Variants in DYNC1I1 observed in about 807,000 individuals in gnomAD.
DYNC1I1 encodes cytoplasmic dynein 1 intermediate chain 1.
DYNC1I1 carries 43 observed loss-of-function variants against 86.6 expected under a neutral mutation model. The observed-to-expected ratio is 0.50, with a 90% CI of 0.39 to 0.64. The LOEUF is 0.64. DYNC1I1 is among the 30% of genes least tolerant of loss of function. DYNC1I1 has a pLI of 0.00. For synonymous variants in DYNC1I1, 262 were observed against 283.7 expected, an observed-to-expected ratio of 0.92 and a Z score of 0.77; for missense variants, 604 against 788.8, an observed-to-expected ratio of 0.77 and a Z score of 2.81.
At chr7:95,781,103 C>T (rs1250643963) in intron 1 of DYNC1I1, among the ~76,000 whole-genome samples, 3 of 151,580 alleles carry the variant, frequency 2.0e-5, no homozygotes, top group South Asian at 2.1e-4. Context: ...AGGATCCTCC[C>T]TCTTTGAATG....
chr7:95,914,715 G>A (rs927646793), intron 6 of DYNC1I1, among the ~76,000 whole-genome samples: 2 of 152,148 alleles, frequency 1.3e-5, no homozygotes, highest in Admixed American at 6.5e-5. Flanking sequence ...TGAAGTCTGC[G>A]TTTGAGGAAT....
chr7:96,085,008 G>A (rs1238408185), intron 16 of DYNC1I1, among the ~76,000 whole-genome samples: 1 of 152,254 alleles, frequency 6.6e-6, no homozygotes, highest in East Asian at 1.9e-4. Context: ...TGTGAGCACT[G>A]ATGGAAACAT....
intron 16 of DYNC1I1, among the ~76,000 whole-genome samples, chr7:96,083,927 T>C (rs1790597882): frequency 6.6e-6 from 1 of 152,206 alleles, no homozygotes; most frequent in Non-Finnish European, 1.5e-5. Context: ...ACAATCTGTA[T>C]TAAAAAGTAG....
intron 4 of DYNC1I1, among the ~76,000 whole-genome samples, chr7:95,814,672 G>A (rs1195222985): frequency 6.6e-6 from 1 of 152,038 alleles, no homozygotes; most frequent in East Asian, 1.9e-4. Context: ...TTTTGCTTTT[G>A]AAACCAACAT....
At chr7:95,976,699 C>T (rs1269883067) in intron 6 of DYNC1I1, among the ~76,000 whole-genome samples, 3 of 152,054 alleles carry the variant, frequency 2.0e-5, no homozygotes, top group South Asian at 2.1e-4. Flanking sequence ...TTTTTTATGT[C>T]GTTTTATTTT....
At chr7:95,869,667 T>A (rs1790109594) in intron 5 of DYNC1I1, among the ~76,000 whole-genome samples, 1 of 152,194 alleles carries the variant, frequency 6.6e-6, no homozygotes, top group African/African-American at 2.4e-5. Flanking sequence ...GAGGGTCTTA[T>A]CTGACATCAC....
At chr7:95,800,753 G>T (rs1472662354) in intron 1 of DYNC1I1, among the ~76,000 whole-genome samples, 1 of 152,200 alleles carries the variant, frequency 6.6e-6, no homozygotes, top group Non-Finnish European at 1.5e-5. Flanking sequence ...TTTTTTATGT[G>T]TATGAAGTAA....
At chr7:95,790,584 T>C (rs978530373) in intron 1 of DYNC1I1, among the ~76,000 whole-genome samples, 1 of 152,178 alleles carries the variant, frequency 6.6e-6, no homozygotes, top group Non-Finnish European at 1.5e-5. Context: ...TAACTCTGTG[T>C]TTTCCTCAGC....
intron 6 of DYNC1I1, among the ~76,000 whole-genome samples, chr7:95,879,485 T>G (rs1036684643): frequency 6.6e-6 from 1 of 152,004 alleles, no homozygotes; most frequent in Non-Finnish European, 1.5e-5. Flanking sequence ...GAAGAAGTAA[T>G]TATGGGGAGA....
chr7:95,971,572 A>C (rs1793171923), intron 6 of DYNC1I1, among the ~76,000 whole-genome samples: 1 of 152,214 alleles, frequency 6.6e-6, no homozygotes, highest in South Asian at 2.1e-4. Flanking sequence ...GTATACTAGT[A>C]AGCTTGATTT....
intron 5 of DYNC1I1, among the ~76,000 whole-genome samples, chr7:95,855,156 T>G (rs890859634): frequency 1.3e-5 from 2 of 152,216 alleles, no homozygotes; most frequent in East Asian, 3.8e-4. Flanking sequence ...TCCTTCAGTT[T>G]TTGTTTGGGA....
intron 9 of DYNC1I1, among the ~76,000 whole-genome samples, chr7:95,994,158 T>C (rs561524560): frequency 3.7e-4 from 57 of 152,278 alleles, no homozygotes; most frequent in African/African-American, 1.3e-3. Context: ...AAGGATGATA[T>C]ATAAAGCCTT....
intron 11 of DYNC1I1, among the ~76,000 whole-genome samples, chr7:96,030,024 T>C (rs1158906958): frequency 6.7e-6 from 1 of 149,140 alleles, no homozygotes; most frequent in Non-Finnish European, 1.5e-5. Context: ...AGGGGGATTT[T>C]GTTTGTTTGT....
intron 5 of DYNC1I1, among the ~76,000 whole-genome samples, chr7:95,842,886 G>A (rs1335999769): frequency 3.6e-5 from 4 of 112,400 alleles, no homozygotes; most frequent in Admixed American, 9.2e-5. Context: ...ATTAGACATT[G>A]TGAATTTTTT....
intron 6 of DYNC1I1, among the ~76,000 whole-genome samples, chr7:95,972,676 G>A (rs1207874129): frequency 6.6e-6 from 1 of 152,152 alleles, no homozygotes; most frequent in Admixed American, 6.6e-5. Flanking sequence ...ACAAGTCAGC[G>A]AGCAGAGGAC....
intron 6 of DYNC1I1, among the ~76,000 whole-genome samples, chr7:95,941,974 G>T (rs1379002838): frequency 6.6e-6 from 1 of 152,104 alleles, no homozygotes; most frequent in Non-Finnish European, 1.5e-5. Flanking sequence ...AGAAAAGCAA[G>T]AGCAAACACA....
chr7:95,993,591 T>G (rs1280577178), intron 9 of DYNC1I1, among the ~76,000 whole-genome samples: 1 of 152,144 alleles, frequency 6.6e-6, no homozygotes, highest in African/African-American at 2.4e-5. Flanking sequence ...TAATAGGCCT[T>G]TGATTCATCC....
intron 5 of DYNC1I1, among the ~76,000 whole-genome samples, chr7:95,868,253 G>A (rs1323169881): frequency 6.6e-6 from 1 of 152,076 alleles, no homozygotes; most frequent in Non-Finnish European, 1.5e-5. Flanking sequence ...TCTAACCAGC[G>A]TTTGTTTGTT....
intron 5 of DYNC1I1, among the ~76,000 whole-genome samples, chr7:95,858,044 G>A (rs1789772795): frequency 2.6e-5 from 4 of 152,072 alleles, no homozygotes; most frequent in Admixed American, 2.6e-4. Flanking sequence ...TCTGATATAG[G>A]CCCTTCTTGA....
Sources: allele counts gnomAD v4.1 joint callset (sites outside exome capture counted in the v4.1 genomes callset), GRCh38; gene constraint gnomAD v4.1.1; transcripts MANE v1.5; gene names NCBI Gene and HGNC (gene_info 2026-07-23, HGNC 2026-07-21).